The following CUBN variants were observed in gnomAD, a reference collection of about 807,000 sequenced individuals.
CUBN encodes 460 kDa receptor.
Under a neutral mutation model 405.3 loss-of-function variants are expected in CUBN, and 282 were observed. The ratio of observed to expected loss-of-function variants is 0.70; its 90% CI spans 0.63 to 0.77. The LOEUF (loss-of-function observed/expected upper bound fraction) is 0.77. CUBN is among the 30% of genes least tolerant of loss of function. CUBN has a pLI of 0.00. For synonymous variants in CUBN, 1,684 were observed against 1,617.0 expected (o/e 1.04, Z -0.99); for missense variants, 4,514 against 4,475.2 (o/e 1.01, Z -0.25).
intron 59 of CUBN, among the ~76,000 whole-genome samples, chr10:16,855,519 T>C (rs947714922): frequency 6.6e-6 from 1 of 152,168 alleles, no homozygotes; most frequent in Non-Finnish European, 1.5e-5. Flanking sequence ...GGAGCAGACT[T>C]GAACCCAGAC....
intron 28 of CUBN, among the ~76,000 whole-genome samples, chr10:16,999,814 G>C (rs936492592): frequency 1.3e-5 from 2 of 152,142 alleles, no homozygotes; most frequent in African/African-American, 4.8e-5. Context: ...CTCTTGCAGG[G>C]AAAAGCTCAA....
chr10:16,980,700 G>T (rs1051176580), intron 31 of CUBN, among the ~76,000 whole-genome samples: 3 of 152,046 alleles, frequency 2.0e-5, no homozygotes, highest in African/African-American at 7.2e-5. Flanking sequence ...GAGGGGTGGG[G>T]GGCTAAGGGA....
rs1254990662 is a variant in CUBN at position 17,054,331 on chromosome 10, C to A, written c.3140-6728G>T. On this transcript the variant is annotated intron_variant, in intron 22 of 66. Transcript: ENST00000377833. Reference sequence around the variant, plus strand: ...GGGCAACGAGAGTGAAACTCCGTCTCAAAAAAAAAAAAAAAACTGGGGAGG... The same window carrying A: ...GGGCAACGAGAGTGAAACTCCGTCTAAAAAAAAAAAAAAAAACTGGGGAGG... 6.5e-3 allele frequency among the ~76,000 whole-genome samples: 853 copies of A among 130,882 alleles called. 1 individual carries two copies. Among genetic ancestry groups the A allele is most frequent in the East Asian group, 7.9e-3 (36 of 4,574 alleles). The allele number at this position is 130,882 out of a possible 152,430, so 85.9% of individuals were successfully genotyped here.
At chr10:16,966,071 A>G in intron 31 of CUBN, 1 of 455,492 alleles carries the variant, frequency 2.2e-6, no homozygotes, top group Non-Finnish European at 4.5e-6. Context: ...ACGGTCTCCA[A>G]GAAAGAAAAC....
intron 39 of CUBN, among the ~76,000 whole-genome samples, chr10:16,935,428 A>C (rs968010748): frequency 3.3e-5 from 5 of 152,152 alleles, no homozygotes; most frequent in Admixed American, 6.5e-5. Flanking sequence ...TGCTGGGATT[A>C]TAGGCATGAG....
rs563440737 is a variant in CUBN, at chr10:16,973,149, T to C, written c.4695+9335A>G. Among the ~76,000 whole-genome samples, 4 of 152,316 alleles carry C rather than the reference T, an allele frequency of 2.6e-5. No individual in the cohort carries two copies. The East Asian group carries it at 5.8e-4, about 22-fold the overall frequency. ...CTTGGTCTCCACATGCTCCCCGGCA[T>C]TTCTTCACGCTCCAGGGACAACACT... On this transcript the variant is annotated intron_variant, in intron 31 of 66. Coordinates refer to ENST00000377833, the MANE Select transcript of CUBN (RefSeq NM_001081.4).
At chr10:17,025,688 A>G (rs1344980386) in intron 27 of CUBN, among the ~76,000 whole-genome samples, 1 of 152,182 alleles carries the variant, frequency 6.6e-6, no homozygotes, top group East Asian at 1.9e-4. Flanking sequence ...GAGCTGACTC[A>G]CATAAAAGAG....
At chr10:17,000,898 C>T (rs1005655135) in intron 28 of CUBN, among the ~76,000 whole-genome samples, 4 of 152,146 alleles carry the variant, frequency 2.6e-5, no homozygotes, top group African/African-American at 4.8e-5. Flanking sequence ...TGGTTTCTTC[C>T]GGTGGGTTCT....
chr10:16,918,191 G>A (rs1055984707), intron 45 of CUBN, among the ~76,000 whole-genome samples: 8 of 152,130 alleles, frequency 5.3e-5, no homozygotes, highest in African/African-American at 1.9e-4. Context: ...TTTGGTTACT[G>A]TAGCCCTGTA....
chr10:16,949,434 G>GGTGTGTGTGTGT (rs59878960), intron 34 of CUBN, among the ~76,000 whole-genome samples: 1 of 108,788 alleles, frequency 9.2e-6, no homozygotes, highest in African/African-American at 3.5e-5. Flanking sequence ...TAAATGGCCT[G>GGTGTGTGTGTGT]GTGTGTGTGT....
At chr10:16,943,891 G>A (rs1191358873) in intron 36 of CUBN, among the ~76,000 whole-genome samples, 1 of 152,164 alleles carries the variant, frequency 6.6e-6, no homozygotes, top group East Asian at 1.9e-4. Context: ...CGTTGGACAT[G>A]GTGGTAGGCA....
intron 17 of CUBN, among the ~76,000 whole-genome samples, chr10:17,078,144 A>C (rs1333255681): frequency 3.9e-5 from 6 of 152,120 alleles, no homozygotes. Context: ...GACAGGCACA[A>C]TGTGACAAGG....
At chr10:16,829,265 C>CT (rs2131300449) in intron 65 of CUBN, among the ~76,000 whole-genome samples, 1 of 150,218 alleles carries the variant, frequency 6.7e-6, no homozygotes, top group Non-Finnish European at 1.5e-5. Context: ...ACACACGTGC[C>CT]TTTGCCTGCA....
At chr10:16,828,746 A>C in intron 66 of CUBN, 59 bp downstream of exon 66, 1 of 1,344,604 alleles carries the variant, frequency 7.4e-7, no homozygotes, top group Admixed American at 1.7e-5. Context: ...GTCTACACTA[A>C]GTGACTCATT....
chr10:17,035,810 G>A (rs1250065479), intron 27 of CUBN, among the ~76,000 whole-genome samples: 1 of 151,004 alleles, frequency 6.6e-6, no homozygotes, highest in African/African-American at 2.4e-5. Context: ...ACAGGACAGG[G>A]AAACAGCAGG....
intron 17 of CUBN, among the ~76,000 whole-genome samples, chr10:17,075,198 C>T (rs1340877577): frequency 3.3e-5 from 5 of 149,860 alleles, no homozygotes; most frequent in Non-Finnish European, 4.4e-5. Flanking sequence ...ATTCTCCTGC[C>T]TCAGCCTCCC....
At chr10:17,028,586 T>C (rs1588596034) in intron 27 of CUBN, among the ~76,000 whole-genome samples, 1 of 151,268 alleles carries the variant, frequency 6.6e-6, no homozygotes, top group East Asian at 1.9e-4. Context: ...CCAGGCGTGG[T>C]GGTGGGCGCA....
At chr10:16,851,023 A>C (rs1169846174) in intron 60 of CUBN, among the ~76,000 whole-genome samples, 2 of 152,226 alleles carry the variant, frequency 1.3e-5, no homozygotes, top group East Asian at 1.9e-4. Flanking sequence ...AGTCACACAA[A>C]ATATTTGAGT....
rs191790117 is a variant in CUBN at position 16,892,198 on chromosome 10, C to T, written c.8599-1671G>A. Among the ~76,000 whole-genome samples the T allele has an allele frequency of 1.2e-3, 176 of 152,270 alleles. 1 individual carries two copies. The highest frequency in any genetic ancestry group is 1.9e-3 in the Non-Finnish European group (126 of 68,026). ...TATTGTTTCAATTGATTTTTAAGCA[C>T]TGGGTATCCAGCTGTTAGTCATCCT... On this transcript the variant is annotated intron_variant, in intron 54 of 66. Coordinates refer to ENST00000377833, the MANE Select transcript of CUBN (RefSeq NM_001081.4).
Sources: allele counts gnomAD v4.1 joint callset (sites outside exome capture counted in the v4.1 genomes callset), GRCh38; gene constraint gnomAD v4.1.1; transcripts MANE v1.5; gene names NCBI Gene and HGNC (gene_info 2026-07-23, HGNC 2026-07-21).